Variants in POU2AF2 observed in about 807,000 individuals in gnomAD.
The protein encoded by POU2AF2 is POU class 2 homeobox associating factor 2.
At chr11:111,279,284 T>C in the POU2AF2 span, among the ~76,000 whole-genome samples, 1 of 152,228 alleles carries the variant, frequency 6.6e-6, no homozygotes, top group East Asian at 1.9e-4. Flanking sequence ...CTTCTCATAC[T>C]ACACCGAATA....
the POU2AF2 span, chr11:111,284,114 T>G: frequency 2.5e-6 from 4 of 1,614,168 alleles, no homozygotes; most frequent in Non-Finnish European, 3.4e-6. Flanking sequence ...TGTCAGAAGA[T>G]CTTTCTTATC....
chr11:111,275,810 A>C, the POU2AF2 span, among the ~76,000 whole-genome samples: 2 of 152,238 alleles, frequency 1.3e-5, no homozygotes, highest in Non-Finnish European at 2.9e-5. Flanking sequence ...GATTCTAAAA[A>C]TCAAATGGAA....
At chr11:111,260,851 C>T in the POU2AF2 span, among the ~76,000 whole-genome samples, 1 of 152,222 alleles carries the variant, frequency 6.6e-6, no homozygotes, top group Non-Finnish European at 1.5e-5. Flanking sequence ...TGTCCCCCGC[C>T]GGATAGGCAT....
the POU2AF2 span, among the ~76,000 whole-genome samples, chr11:111,250,510 G>T: frequency 6.6e-6 from 1 of 152,166 alleles, no homozygotes; most frequent in Non-Finnish European, 1.5e-5. Flanking sequence ...AGCTTCCTGT[G>T]TTCCAGGCAC....
At chr11:111,245,803 C>G in the POU2AF2 span, 1 of 398,772 alleles carries the variant, frequency 2.5e-6, no homozygotes, top group South Asian at 1.3e-4. Context: ...ACACCATTCA[C>G]AAGAAATTCT....
chr11:111,284,483 C>G, the POU2AF2 span: 1 of 1,325,164 alleles, frequency 7.5e-7, no homozygotes. Flanking sequence ...CTGGCTCACC[C>G]TGTAGACTCC....
chr11:111,278,756 A>G, the POU2AF2 span, among the ~76,000 whole-genome samples: 1 of 152,216 alleles, frequency 6.6e-6, no homozygotes, highest in East Asian at 1.9e-4. Flanking sequence ...TTGTCTTCAG[A>G]TATTTGAAGG....
At chr11:111,284,113 A>C in the POU2AF2 span, 3 of 1,614,136 alleles carry the variant, frequency 1.9e-6, no homozygotes, top group South Asian at 3.3e-5. Context: ...GTGTCAGAAG[A>C]TCTTTCTTAT....
At chr11:111,285,971 G>C in the POU2AF2 span, 1 of 1,613,978 alleles carries the variant, frequency 6.2e-7, no homozygotes. Context: ...AGCAGACACC[G>C]GTTCCCTCCA....
chr11:111,251,865 A>G, the POU2AF2 span, among the ~76,000 whole-genome samples: 5 of 152,262 alleles, frequency 3.3e-5, no homozygotes, highest in Non-Finnish European at 7.3e-5. Flanking sequence ...AGTCAGTGCC[A>G]ACTGGTACAT....
At chr11:111,270,212 T>A in the POU2AF2 span, among the ~76,000 whole-genome samples, 2 of 152,212 alleles carry the variant, frequency 1.3e-5, no homozygotes. Flanking sequence ...AGAAATTAAG[T>A]TGTTGCACCA....
At chr11:111,271,795 C>T in the POU2AF2 span, among the ~76,000 whole-genome samples, 1 of 152,024 alleles carries the variant, frequency 6.6e-6, no homozygotes, top group Non-Finnish European at 1.5e-5. Context: ...GGTGGATCAC[C>T]TGGGGTCAGG....
chr11:111,247,191 CAGAG>C, the POU2AF2 span, among the ~76,000 whole-genome samples: 221 of 144,866 alleles, frequency 1.5e-3, 3 homozygotes, highest in Middle Eastern at 3.6e-3. Context: ...TACACACACA[CAGAG>C]AGAGAGAGAG....
the POU2AF2 span, among the ~76,000 whole-genome samples, chr11:111,250,847 A>G: frequency 2.6e-5 from 4 of 152,188 alleles, no homozygotes; most frequent in African/African-American, 4.8e-5. Flanking sequence ...AGCCAGCGCA[A>G]AAGTCTTAAG....
chr11:111,271,055 G>A, the POU2AF2 span, among the ~76,000 whole-genome samples: 1 of 152,188 alleles, frequency 6.6e-6, no homozygotes, highest in Admixed American at 6.5e-5. Context: ...GGGTGCAGTG[G>A]CTCATGCCTG....
the POU2AF2 span, chr11:111,285,674 T>C: frequency 7.4e-5 from 119 of 1,613,078 alleles, no homozygotes; most frequent in Non-Finnish European, 9.9e-5. Flanking sequence ...GGAGCAGACG[T>C]TGCCTGACGG....
chr11:111,281,364 T>C, the POU2AF2 span: 1 of 1,556,184 alleles, frequency 6.4e-7, no homozygotes, highest in Admixed American at 1.8e-5. Flanking sequence ...AACTTACAAC[T>C]AAAGAAAACA....
At chr11:111,270,758 C>G in the POU2AF2 span, among the ~76,000 whole-genome samples, 12 of 152,114 alleles carry the variant, frequency 7.9e-5, no homozygotes, top group Non-Finnish European at 1.6e-4. Context: ...TGTACAGCAT[C>G]CAGGACAGGT....
chr11:111,256,062 A>G, the POU2AF2 span: 2 of 399,130 alleles, frequency 5.0e-6, no homozygotes, highest in South Asian at 1.3e-4. Context: ...CAGAAAAACG[A>G]TCCGGGCAGA....
Sources: allele counts gnomAD v4.1 joint callset (sites outside exome capture counted in the v4.1 genomes callset), GRCh38; gene constraint gnomAD v4.1.1; transcripts MANE v1.5; gene names NCBI Gene and HGNC (gene_info 2026-07-23, HGNC 2026-07-21).